The following ZNF568 variants were observed in gnomAD, a reference collection of about 807,000 sequenced individuals.
ZNF568 encodes the protein zinc finger protein 568, also known as p53 inhibitor of SCO2 activation.
ZNF568 carries 11 observed loss-of-function variants against 18.1 expected under a neutral mutation model. That is an observed-to-expected ratio of 0.61 (90% CI 0.38 to 1.00). The LOEUF (loss-of-function observed/expected upper bound fraction) is 1.00, where lower values mean the gene tolerates loss of function less well. ZNF568 is among the 50% of genes least tolerant of loss of function. The pLI, the probability that ZNF568 is intolerant of heterozygous loss-of-function variation, is 0.01. For missense variants in ZNF568, 639 were observed against 768.2 expected (o/e 0.83, Z 1.99); for synonymous variants, 213 against 246.6 (o/e 0.86, Z 1.28).
chr19:36,955,595 A>G (rs1257848852), downstream of ZNF568, among the ~76,000 whole-genome samples: 2 of 152,222 alleles, frequency 1.3e-5, no homozygotes, highest in African/African-American at 4.8e-5. Context: ...AAAATCATTA[A>G]TTAAATCATG....
At position 36,950,447 on chromosome 19, in the gene ZNF568, T is replaced by A. The variant is rs1568394160; in HGVS notation, c.1294T>A (p.Ser432Thr). Residue 432 changes from serine to threonine, a missense_variant, in exon 7 of 7, where the codon TCC (serine) becomes ACC (threonine). By Grantham distance (58) the Ser-to-Thr change is moderately conservative. Transcript: ENST00000333987. Reference sequence around the variant, plus strand: ...TGGGAAAGCCTTCTCTCAGAGTTCATCCCTAACCGTACATATGCGAAATCA... The same window carrying A: ...TGGGAAAGCCTTCTCTCAGAGTTCAACCCTAACCGTACATATGCGAAATCA... The part of the protein sequence containing the change: ...ECGKAFSQSS[S>T]LTVHMRNHTA... The A allele has an allele frequency of 6.2e-7, 1 of 1,611,932 alleles. No homozygotes were observed. Among genetic ancestry groups the A allele is most frequent in the East Asian group, 2.2e-5 (1 of 44,698 alleles).
intron 6 of ZNF568, among the ~76,000 whole-genome samples, chr19:36,971,988 C>G (rs1463950565): frequency 2.6e-5 from 4 of 151,310 alleles, no homozygotes; most frequent in African/African-American, 9.7e-5. Context: ...GTGCGCGCCA[C>G]CACACCCAGG....
At chr19:36,927,903 A>ATTTTTTTTT (rs71177414) in intron 4 of ZNF568, among the ~76,000 whole-genome samples, 8 of 26,610 alleles carry the variant, frequency 3.0e-4, no homozygotes, top group African/African-American at 1.3e-3. Context: ...ATATATATAT[A>ATTTTTTTTT]TTTTTTTTTT....
intron 4 of ZNF568, among the ~76,000 whole-genome samples, chr19:36,936,293 A>C (rs1259278515): frequency 2.6e-5 from 4 of 152,176 alleles, no homozygotes. Flanking sequence ...TATTATAATT[A>C]CTACTGCATA....
intron 4 of ZNF568, 175 bp from the exon 5 acceptor site, chr19:36,936,571 A>C (rs148417793): frequency 2.0e-6 from 1 of 511,500 alleles, no homozygotes; most frequent in Non-Finnish European, 3.2e-6. Flanking sequence ...TTTTTGTCAG[A>C]TTTGGGAAAT....
In ZNF568 at chr19:36,965,758, A is replaced by G. The variant is rs149710445; in HGVS notation, c.359-8662A>G. On this transcript the variant is annotated intron_variant, in intron 6 of 7. Coordinates refer to the ZNF568 transcript ENST00000427117. ...GCTCTGTCATGCAGGCTGGAGTGCA[A>G]TGGCGTGATCTCGGCTCACTGCAAC... 6.0e-3 allele frequency among the ~76,000 whole-genome samples: 873 copies of G among 145,796 alleles called. 11 individuals carry two copies. Among genetic ancestry groups the G allele is most frequent in the African/African-American group, 0.021 (820 of 39,056 alleles).
chr19:36,953,308 TATA>T (rs2074082624), downstream of ZNF568, among the ~76,000 whole-genome samples: 1 of 152,250 alleles, frequency 6.6e-6, no homozygotes, highest in African/African-American at 2.4e-5. Flanking sequence ...CATTGTTAAT[TATA>T]ACAATATTTT....
intron 6 of ZNF568, among the ~76,000 whole-genome samples, chr19:36,959,280 T>G (rs2074130686): frequency 1.3e-5 from 2 of 152,146 alleles, no homozygotes; most frequent in African/African-American, 4.8e-5. Flanking sequence ...GATTATATGG[T>G]TTTTGTCCTT....
chr19:36,946,162 G>A (rs950865364), intron 6 of ZNF568, among the ~76,000 whole-genome samples: 3 of 151,992 alleles, frequency 2.0e-5, no homozygotes, highest in Non-Finnish European at 2.9e-5. Context: ...ATAGGGCAAA[G>A]CAGGAATTGG....
At chr19:36,948,894 C>T (rs1393887267) in intron 6 of ZNF568, among the ~76,000 whole-genome samples, 1 of 152,032 alleles carries the variant, frequency 6.6e-6, no homozygotes, top group East Asian at 1.9e-4. Flanking sequence ...TTCTCCAATT[C>T]TTGAGCCTTT....
intron 6 of ZNF568, among the ~76,000 whole-genome samples, chr19:36,971,670 C>G (rs546734294): frequency 6.0e-4 from 92 of 152,130 alleles, no homozygotes; most frequent in Non-Finnish European, 1.2e-3. Flanking sequence ...TCCTTAGTAG[C>G]TGGGACTACA....
intron 6 of ZNF568, among the ~76,000 whole-genome samples, chr19:36,939,330 A>C (rs1283145075): frequency 6.6e-6 from 1 of 152,098 alleles, no homozygotes; most frequent in Admixed American, 6.5e-5. Flanking sequence ...CTGGCAAAAA[A>C]ATGACTCATT....
At chr19:36,938,868 G>A (rs544231482) in intron 6 of ZNF568, among the ~76,000 whole-genome samples, 118 of 152,288 alleles carry the variant, frequency 7.7e-4, no homozygotes, top group African/African-American at 2.5e-3. Context: ...TGATCAATCA[G>A]TATCAGTTTT....
intron 2 of ZNF568, among the ~76,000 whole-genome samples, chr19:36,920,850 C>T (rs552655249): frequency 1.3e-5 from 2 of 152,102 alleles, no homozygotes; most frequent in South Asian, 2.1e-4. Context: ...TGCCCTTTAC[C>T]AGTGTACCAT....
downstream of ZNF568, among the ~76,000 whole-genome samples, chr19:36,982,028 T>C (rs1433106903): frequency 6.6e-6 from 1 of 152,224 alleles, no homozygotes; most frequent in Non-Finnish European, 1.5e-5. Flanking sequence ...GCTTAACTCT[T>C]ATTTATTCTG....
intron 7 of ZNF568, among the ~76,000 whole-genome samples, chr19:36,976,916 A>G (rs1002115208): frequency 6.6e-6 from 1 of 152,154 alleles, no homozygotes; most frequent in African/African-American, 2.4e-5. Flanking sequence ...GTCTAAGAAA[A>G]AAAAAGAAAG....
chr19:36,946,218 A>C (rs145914189), intron 6 of ZNF568, among the ~76,000 whole-genome samples: 1 of 152,194 alleles, frequency 6.6e-6, no homozygotes, highest in East Asian at 1.9e-4. Flanking sequence ...GCTGTTTGGT[A>C]ATTTGTCAGT....
chr19:36,937,236 T>C lies in ZNF568; in HGVS notation c.352T>C (p.Cys118Arg), dbSNP rs764682533. The C allele has an allele frequency of 6.2e-7, 1 of 1,613,326 alleles. No homozygotes were observed. ...GGAGGAAGAAATGTTTGGGAGGCAC[T>C]GTCCAGGTGAATAAGTGAAAAGCAG... ...VMEEEMFGRH[C>R]PEVWEVDEQI... Residue 118 changes from cysteine to arginine, a missense_variant, in exon 6 of 7, where the codon TGT becomes CGT. Coordinates refer to ENST00000333987, the MANE Select transcript of ZNF568 (RefSeq NM_198539.4).
At chr19:36,924,460 G>T (rs577421476) in intron 3 of ZNF568, among the ~76,000 whole-genome samples, 5 of 149,092 alleles carry the variant, frequency 3.4e-5, no homozygotes, top group Non-Finnish European at 7.4e-5. Context: ...CTCGTGATCC[G>T]CCCGCCTTGG....
Sources: gnomAD v4.1 joint callset for allele counts (sites outside exome capture counted in the v4.1 genomes callset) on GRCh38, gnomAD v4.1.1 for gene constraint, MANE v1.5 for transcripts, NCBI Gene and HGNC (gene_info 2026-07-23, HGNC 2026-07-21) for gene names.